The following TANC2 variants were observed in gnomAD, a reference collection of about 807,000 sequenced individuals.
TANC2 encodes the protein protein TANC2.
TANC2 carries 26 observed loss-of-function variants against 210.5 expected under a neutral mutation model. The observed-to-expected ratio is 0.12, with a 90% CI of 0.09 to 0.17. The LOEUF (loss-of-function observed/expected upper bound fraction) is 0.17, where lower values mean the gene tolerates loss of function less well. Among genes scored for constraint, TANC2 ranks in the 10% least tolerant of loss-of-function variants. The pLI, the probability that TANC2 is intolerant of heterozygous loss-of-function variation, is 1.00. For missense variants in TANC2, 2,129 were observed against 2,608.9 expected (o/e 0.82, Z 4.01); for synonymous variants, 931 against 967.1 (o/e 0.96, Z 0.69).
At chr17:63,120,978 T>C (rs1340422417) in intron 4 of TANC2, among the ~76,000 whole-genome samples, 1 of 152,126 alleles carries the variant, frequency 6.6e-6, no homozygotes, top group Non-Finnish European at 1.5e-5. Flanking sequence ...TTTTTTCCCC[T>C]GGTTTTCACT....
At position 63,237,960 on chromosome 17, in the gene TANC2, A is replaced by G. The variant is rs1034131179; in HGVS notation, c.916A>G (p.Met306Val). The change falls in exon 8 of 28, where the codon ATG (methionine) becomes GTG (valine). Residue 306 changes from methionine to valine, a missense_variant. Physicochemically the swap from Met to Val is conservative, Grantham distance 21. Transcript: ENST00000689528. ...CTGTTTGTATCGAGTAGATGAAAAC[A>G]TGACTGCTTCCACCTATAGTCTGAA... 4 of 1,588,972 alleles carry G rather than the reference A, an allele frequency of 2.5e-6. No homozygotes were observed. The highest frequency in any genetic ancestry group is 3.4e-6 in the Non-Finnish European group (4 of 1,166,778).
intron 8 of TANC2, among the ~76,000 whole-genome samples, chr17:63,265,573 A>G (rs186446413): frequency 1.9e-3 from 290 of 152,318 alleles, no homozygotes; most frequent in African/African-American, 5.9e-3. Context: ...TTTATGTTCA[A>G]AATATCCAGG....
intron 7 of TANC2, among the ~76,000 whole-genome samples, chr17:63,211,592 CT>C (rs1428103680): frequency 1.3e-5 from 2 of 152,248 alleles, no homozygotes; most frequent in East Asian, 3.9e-4. Context: ...CTTCCAACTG[CT>C]ATTCAGGACA....
At chr17:63,376,975 G>A (rs1272483621) in intron 14 of TANC2, among the ~76,000 whole-genome samples, 2 of 152,088 alleles carry the variant, frequency 1.3e-5, no homozygotes. Flanking sequence ...CCACCACCAT[G>A]CCCAGCTAAT....
chr17:63,031,089 A>G (rs1228888167), intron 2 of TANC2, among the ~76,000 whole-genome samples: 6 of 135,732 alleles, frequency 4.4e-5, no homozygotes, highest in Non-Finnish European at 9.5e-5. Flanking sequence ...GGATTTTAGT[A>G]TCAGAGGCCT....
At chr17:63,254,367 T>G (rs2043131898) in intron 8 of TANC2, among the ~76,000 whole-genome samples, 1 of 152,168 alleles carries the variant, frequency 6.6e-6, no homozygotes, top group East Asian at 1.9e-4. Context: ...ATTAGTTCTG[T>G]TTTTTTGTAA....
chr17:63,277,206 A>T (rs1195658741), intron 9 of TANC2, among the ~76,000 whole-genome samples: 3 of 150,916 alleles, frequency 2.0e-5, no homozygotes, highest in African/African-American at 7.3e-5. Context: ...AGTTTCTCAC[A>T]TTCTTTCCAT....
chr17:63,222,833 G>A (rs2042232150), intron 7 of TANC2, among the ~76,000 whole-genome samples: 1 of 152,060 alleles, frequency 6.6e-6, no homozygotes, highest in Non-Finnish European at 1.5e-5. Context: ...GATACTACAT[G>A]AATGTTCCCA....
chr17:63,101,965 A>G (rs1038636894), intron 4 of TANC2, among the ~76,000 whole-genome samples: 10 of 152,148 alleles, frequency 6.6e-5, no homozygotes, highest in Non-Finnish European at 1.3e-4. Context: ...AAAGAAGGCA[A>G]GTGTGGCCTG....
At chr17:62,989,529 A>G (rs2032746976) in intron 1 of TANC2, among the ~76,000 whole-genome samples, 4 of 152,200 alleles carry the variant, frequency 2.6e-5, no homozygotes, top group Admixed American at 2.6e-4. Context: ...TCACAGGCAT[A>G]CTAAACCTGT....
chr17:63,046,159 T>A (rs2035368780), intron 2 of TANC2, among the ~76,000 whole-genome samples: 1 of 151,818 alleles, frequency 6.6e-6, no homozygotes, highest in South Asian at 2.1e-4. Flanking sequence ...GTTATCTTTA[T>A]TAAATTCTTT....
chr17:63,012,017 C>CTTT (rs559717868), intron 2 of TANC2, among the ~76,000 whole-genome samples: 6 of 134,552 alleles, frequency 4.5e-5, no homozygotes, highest in Admixed American at 7.5e-5. Context: ...TTGATCAAAA[C>CTTT]TTTTTTTTTT....
At chr17:63,108,238 A>G (rs774268297) in intron 4 of TANC2, among the ~76,000 whole-genome samples, 13 of 151,820 alleles carry the variant, frequency 8.6e-5, no homozygotes, top group African/African-American at 2.9e-4. Context: ...ATAATAAGCA[A>G]TTAAACTTAA....
At chr17:63,175,084 T>C (rs2040530415) in intron 5 of TANC2, among the ~76,000 whole-genome samples, 1 of 152,276 alleles carries the variant, frequency 6.6e-6, no homozygotes, top group African/African-American at 2.4e-5. Context: ...AAAAAAACTA[T>C]TTGTAGACAT....
intron 21 of TANC2, among the ~76,000 whole-genome samples, chr17:63,407,780 G>T (rs1013722193): frequency 6.6e-6 from 1 of 152,184 alleles, no homozygotes; most frequent in Non-Finnish European, 1.5e-5. Flanking sequence ...TGATACAGGC[G>T]TCCGTTGAGT....
At chr17:63,057,869 T>C (rs1451776988) in intron 2 of TANC2, among the ~76,000 whole-genome samples, 3 of 152,196 alleles carry the variant, frequency 2.0e-5, no homozygotes, top group Admixed American at 6.5e-5. Context: ...GTCTTTGTTA[T>C]TGTGAACAGT....
chr17:63,256,169 A>G (rs1289795875), intron 8 of TANC2, among the ~76,000 whole-genome samples: 3 of 152,044 alleles, frequency 2.0e-5, no homozygotes, highest in Non-Finnish European at 2.9e-5. Flanking sequence ...CGGCCTCCCA[A>G]AGTGCTAGGA....
At chr17:63,137,381 A>G (rs1056804045) in intron 4 of TANC2, among the ~76,000 whole-genome samples, 4 of 152,212 alleles carry the variant, frequency 2.6e-5, no homozygotes, top group Non-Finnish European at 4.4e-5. Flanking sequence ...ATATCCCTCA[A>G]TGTGAAAGAG....
At chr17:63,227,622 T>C (rs1207841324) in intron 7 of TANC2, among the ~76,000 whole-genome samples, 2 of 152,328 alleles carry the variant, frequency 1.3e-5, no homozygotes, top group East Asian at 3.9e-4. Flanking sequence ...TAGATGCCAT[T>C]TGTTAATTTT....
Sources: gnomAD v4.1 joint callset for allele counts (sites outside exome capture counted in the v4.1 genomes callset) on GRCh38, gnomAD v4.1.1 for gene constraint, MANE v1.5 for transcripts, NCBI Gene and HGNC (gene_info 2026-07-23, HGNC 2026-07-21) for gene names.